The following ATAD2B variants were observed in gnomAD, a reference collection of about 807,000 sequenced individuals.
ATAD2B encodes ATPase family AAA domain containing 2B, also known as ATPase family AAA domain-containing protein 2B.
A neutral mutation model predicts 167.6 loss-of-function variants in ATAD2B; 40 were observed. That is an observed-to-expected ratio of 0.24 (90% CI 0.19 to 0.31). The LOEUF is 0.31. ATAD2B is among the 10% of genes least tolerant of loss of function. ATAD2B has a pLI of 1.00. For missense variants in ATAD2B, 1,242 were observed against 1,757.2 expected, an observed-to-expected ratio of 0.71 and a Z score of 5.24; for synonymous variants, 579 against 596.5, an observed-to-expected ratio of 0.97 and a Z score of 0.43.
At chr2:23,772,128 T>C (rs754468322) in intron 22 of ATAD2B, among the ~76,000 whole-genome samples, 11 of 149,282 alleles carry the variant, frequency 7.4e-5, no homozygotes, top group Non-Finnish European at 1.4e-4. Flanking sequence ...ATATATTTTG[T>C]TCATTTTTTT....
intron 18 of ATAD2B, among the ~76,000 whole-genome samples, chr2:23,802,371 C>T (rs1483679955): frequency 2.0e-5 from 3 of 151,862 alleles, no homozygotes; most frequent in African/African-American, 7.2e-5. Flanking sequence ...TATTGAGAAT[C>T]TCTTGTGAAA....
chr2:23,746,398 T>G (rs982462808), downstream of ATAD2B, among the ~76,000 whole-genome samples: 1 of 152,216 alleles, frequency 6.6e-6, no homozygotes, highest in Non-Finnish European at 1.5e-5. Flanking sequence ...TGCATTTGTG[T>G]CTGTATAGCA....
the ATAD2B span, among the ~76,000 whole-genome samples, chr2:23,683,676 G>A: frequency 2.6e-5 from 4 of 152,192 alleles, no homozygotes; most frequent in Non-Finnish European, 5.9e-5. Context: ...GGGATCTGCC[G>A]GGCTGTAAAG....
chr2:23,777,609 T>C (rs1166014607), intron 22 of ATAD2B, among the ~76,000 whole-genome samples: 1 of 152,176 alleles, frequency 6.6e-6, no homozygotes, highest in Admixed American at 6.5e-5. Context: ...TTTAATCCTA[T>C]ACAATTTGAA....
chr2:23,867,778 C>G (rs778247724), intron 10 of ATAD2B, 57 bp downstream of exon 10: 2 of 1,267,784 alleles, frequency 1.6e-6, no homozygotes, highest in Admixed American at 2.0e-5. Context: ...GCTTTAGAAA[C>G]AAGAAAAAAA....
intron 15 of ATAD2B, among the ~76,000 whole-genome samples, chr2:23,826,832 CTAT>C (rs1688334719): frequency 6.6e-6 from 1 of 152,104 alleles, no homozygotes; most frequent in Admixed American, 6.6e-5. Flanking sequence ...GAGTTTTTCA[CTAT>C]GCAAAAATCA....
chr2:23,820,527 C>T (rs1350848456), intron 16 of ATAD2B, among the ~76,000 whole-genome samples: 1 of 152,174 alleles, frequency 6.6e-6, no homozygotes, highest in African/African-American at 2.4e-5. Flanking sequence ...GAAGTATGAA[C>T]AGCTGTTGCT....
chr2:23,832,734 C>T (rs1326830888), intron 14 of ATAD2B: 1 of 152,396 alleles, frequency 6.6e-6, no homozygotes, highest in East Asian at 1.9e-4. Flanking sequence ...ACTCTGAGGC[C>T]TACTTAGCTA....
At chr2:23,794,692 AAT>A (rs1682327370) in intron 19 of ATAD2B, among the ~76,000 whole-genome samples, 1 of 152,130 alleles carries the variant, frequency 6.6e-6, no homozygotes, top group African/African-American at 2.4e-5. Context: ...ATACACATGA[AAT>A]ATACTGTACT....
At chr2:23,818,100 C>CACACACACACACACACATT (rs1686759033) in intron 17 of ATAD2B, among the ~76,000 whole-genome samples, 3 of 5,698 alleles carry the variant, frequency 5.3e-4, no homozygotes, top group Middle Eastern at 0.05. Flanking sequence ...ACACATTACA[C>CACACACACACACACACATT]ACACACACAC....
the ATAD2B span, among the ~76,000 whole-genome samples, chr2:23,679,107 C>T: frequency 6.6e-6 from 1 of 151,752 alleles, no homozygotes; most frequent in African/African-American, 2.4e-5. Flanking sequence ...GAAACCAACA[C>T]AGGGAAAGTT....
chr2:23,751,723 G>A lies in ATAD2B; in HGVS notation c.*323C>T. 1 of 324,752 alleles carries A rather than the reference G, an allele frequency of 3.1e-6. No homozygotes were observed. Among genetic ancestry groups the A allele is most frequent in the Non-Finnish European group, 5.6e-6 (1 of 178,062 alleles). The allele number at this position is 324,752 out of a possible 1,614,324, so 20.1% of individuals were successfully genotyped here. A position where few individuals can be genotyped will look rare whatever the true frequency, so the allele number is the denominator to read the frequency against. On this transcript the variant is annotated 3_prime_UTR_variant, in exon 28 of 28. Coordinates refer to ENST00000238789, the MANE Select transcript of ATAD2B (RefSeq NM_017552.4). ...CTGTTTGCTGGTCTGCTCCCTAAGAGAGGAGTCTCCAAAAGAGAGTGCACA... is the reference window on the plus strand; with the variant it reads ...CTGTTTGCTGGTCTGCTCCCTAAGAAAGGAGTCTCCAAAAGAGAGTGCACA...
At chr2:23,829,437 GA>G (rs1321639875) in intron 14 of ATAD2B, among the ~76,000 whole-genome samples, 3 of 152,080 alleles carry the variant, frequency 2.0e-5, no homozygotes, top group African/African-American at 7.2e-5. Flanking sequence ...TTTTAATTTG[GA>G]AAGTATTCAA....
chr2:23,692,562 CA>C, the ATAD2B span, among the ~76,000 whole-genome samples: 1 of 152,182 alleles, frequency 6.6e-6, no homozygotes, highest in African/African-American at 2.4e-5. Context: ...AGAGGGGCAC[CA>C]AGCAGTCTCG....
At chr2:23,680,766 G>T in the ATAD2B span, among the ~76,000 whole-genome samples, 1,479 of 151,954 alleles carry the variant, frequency 9.7e-3, 12 homozygotes, top group Non-Finnish European at 0.015. This position sits in a 1 kb window ranked among gnomAD's most constrained non-coding sequence, Gnocchi z 4.1. Context: ...CTTCTCCTGG[G>T]GTCTCTAGGC....
Position 23,796,572 on chromosome 2 carries a change from C to G in ATAD2B, c.2640+1566G>C, listed in dbSNP as rs1469049399. ...GAGGGAAATTTTCAGGGAATATTCC[C>G]TATATATTCCCAACTAGAACCCTCA... On this transcript the variant is annotated intron_variant, in intron 19 of 27. Coordinates refer to ENST00000238789, the MANE Select transcript of ATAD2B (RefSeq NM_017552.4). Among the ~76,000 whole-genome samples the G allele has an allele frequency of 3.9e-5, 6 of 152,182 alleles. No homozygotes were observed. The East Asian group carries it at 9.6e-4, about 24-fold the overall frequency.
At chr2:23,837,830 G>T (rs1028489424) in intron 13 of ATAD2B, among the ~76,000 whole-genome samples, 1 of 152,030 alleles carries the variant, frequency 6.6e-6, no homozygotes, top group Non-Finnish European at 1.5e-5. Flanking sequence ...CTTTAGAATG[G>T]CTACCACTTT....
chr2:23,683,419 TG>T, the ATAD2B span, among the ~76,000 whole-genome samples: 1 of 152,204 alleles, frequency 6.6e-6, no homozygotes, highest in South Asian at 2.1e-4. Flanking sequence ...AAGGCTGTTG[TG>T]GGGAGCAGTG....
intron 19 of ATAD2B, among the ~76,000 whole-genome samples, chr2:23,793,638 G>A (rs1682153529): frequency 6.6e-6 from 1 of 152,244 alleles, no homozygotes. Context: ...GAAAGCGAGT[G>A]AGGCTGGGCA....
Sources: allele counts gnomAD v4.1 joint callset (sites outside exome capture counted in the v4.1 genomes callset), GRCh38; gene constraint gnomAD v4.1.1; non-coding constraint Gnocchi (gnomAD v3.1); transcripts MANE v1.5; gene names NCBI Gene and HGNC (gene_info 2026-07-23, HGNC 2026-07-21).